Variants in USP8 observed in about 807,000 individuals in gnomAD.
USP8 encodes the protein ubiquitin specific peptidase 8.
In USP8, 27 loss-of-function variants were observed where a neutral mutation model predicts 130.0. The observed-to-expected ratio is 0.21, with a 90% CI of 0.15 to 0.29. USP8 has a LOEUF of 0.29. Ranked by LOEUF, USP8 falls within the 10% of genes least tolerant of loss-of-function variation. USP8 has a pLI of 1.00. For synonymous variants in USP8, 392 were observed against 444.1 expected (o/e 0.88, Z 1.48); for missense variants, 1,029 against 1,312.2 (o/e 0.78, Z 3.33).
chr15:50,478,433 C>T (rs145055360), intron 10 of USP8, among the ~76,000 whole-genome samples: 108 of 152,212 alleles, frequency 7.1e-4, no homozygotes, highest in East Asian at 1.5e-3. Flanking sequence ...ATATTTAAAA[C>T]AGTATTTCAC....
chr15:50,469,172 C>T (rs537892340), intron 7 of USP8, among the ~76,000 whole-genome samples: 1 of 152,208 alleles, frequency 6.6e-6, no homozygotes, highest in East Asian at 1.9e-4. Context: ...GCGCAATTTA[C>T]TTAAATATTT....
intron 8 of USP8, among the ~76,000 whole-genome samples, chr15:50,473,248 A>G (rs988430203): frequency 6.6e-6 from 1 of 152,182 alleles, no homozygotes; most frequent in Non-Finnish European, 1.5e-5. Context: ...ACAAATAACA[A>G]AATCCATGGA....
At chr15:50,479,920 A>G (rs11070786) in intron 10 of USP8, among the ~76,000 whole-genome samples, 22,317 of 151,856 alleles carry the variant, frequency 0.15, 2,059 homozygotes, top group Middle Eastern at 0.28. Flanking sequence ...CACCACGCCC[A>G]GCTAATTTTT....
At chr15:50,427,720 C>T (rs1450953677) in intron 1 of USP8, among the ~76,000 whole-genome samples, 2 of 151,462 alleles carry the variant, frequency 1.3e-5, no homozygotes, top group Admixed American at 6.6e-5. Flanking sequence ...CCACCATGCC[C>T]GGCTAATTTT....
chr15:50,487,763 G>A (rs1214135341), intron 12 of USP8, among the ~76,000 whole-genome samples: 2 of 152,204 alleles, frequency 1.3e-5, no homozygotes, highest in Non-Finnish European at 2.9e-5. Context: ...GCATTTTAAA[G>A]TAATTCTCAC....
At chr15:50,498,057 A>G (rs919899450) in intron 18 of USP8, among the ~76,000 whole-genome samples, 23 of 152,230 alleles carry the variant, frequency 1.5e-4, no homozygotes, top group African/African-American at 5.5e-4. Flanking sequence ...CACATTTGCT[A>G]AAATTTTTAA....
intron 8 of USP8, among the ~76,000 whole-genome samples, chr15:50,472,708 C>T (rs1273274027): frequency 2.0e-5 from 3 of 151,976 alleles, no homozygotes; most frequent in Non-Finnish European, 4.4e-5. Flanking sequence ...GTCAGGAGTT[C>T]AAGACCAGCT....
At chr15:50,486,979 C>T (rs1057087779) in intron 12 of USP8, among the ~76,000 whole-genome samples, 2 of 151,966 alleles carry the variant, frequency 1.3e-5, no homozygotes, top group Non-Finnish European at 2.9e-5. Context: ...CAAAAAGTAG[C>T]CGGGTGTGGT....
At chr15:50,463,853 C>T (rs900212591) in intron 6 of USP8, among the ~76,000 whole-genome samples, 1 of 152,152 alleles carries the variant, frequency 6.6e-6, no homozygotes, top group Admixed American at 6.5e-5. Flanking sequence ...TCTTTCACTT[C>T]AGTAGAGCTA....
chr15:50,442,523 C>T (rs989878396), intron 3 of USP8, among the ~76,000 whole-genome samples: 2 of 152,064 alleles, frequency 1.3e-5, no homozygotes, highest in African/African-American at 2.4e-5. Flanking sequence ...GTGGGTGGAT[C>T]ACCTGAGGTC....
In USP8 at chr15:50,500,859, A is replaced by AACTT. The variant is rs781102029; in HGVS notation, c.*1773_*1776dup. 4 of 1,560,370 alleles carry AACTT rather than the reference A, an allele frequency of 2.6e-6. No individual in the cohort carries two copies. In the South Asian group the frequency reaches 3.5e-5, roughly 14 times the overall value. On this transcript the variant is annotated 3_prime_UTR_variant, in exon 20 of 20. Coordinates refer to ENST00000307179, the MANE Select transcript of USP8 (RefSeq NM_005154.5). Reference sequence around the variant, plus strand: ...GGTTCTATGGGAGAAAGGAATGTCAAACTTAGTATTCACATATGAACACTA... The same window carrying AACTT: ...GGTTCTATGGGAGAAAGGAATGTCAAACTTACTTAGTATTCACATATGAACACTA...
In USP8 at chr15:50,502,997, C is replaced by A. The variant is rs182049524; in HGVS notation, c.*3909C>A. On this transcript the variant is annotated 3_prime_UTR_variant, in exon 20 of 20. Transcript: ENST00000307179. The stretch of plus-strand genomic sequence containing the variant: ...TTTATTCAATATTCCCTTCAACCTT[C>A]GTCTTCCCCACCTCTCTCCTTACAG... 9 of 152,202 alleles carry A rather than the reference C, an allele frequency of 5.9e-5. No individual in the cohort carries two copies. Among genetic ancestry groups the A allele is most frequent in the African/African-American group, 2.2e-4 (9 of 41,444 alleles). 9.4% of individuals were successfully genotyped at this position (152,202 alleles called of 1,614,324 possible).
chr15:50,428,363 T>C (rs2049814825), intron 1 of USP8, among the ~76,000 whole-genome samples: 1 of 151,984 alleles, frequency 6.6e-6, no homozygotes, highest in South Asian at 2.1e-4. Flanking sequence ...GCAATCCACC[T>C]GCCTCGGCCT....
rs1456128753 is a variant in USP8 at position 50,506,093 on chromosome 15, T to TACTAA, written c.*7006_*7007insCTAAA. 2.6e-5 allele frequency: 4 copies of TACTAA among 152,244 alleles called. No homozygotes were observed. Among genetic ancestry groups the TACTAA allele is most frequent in the African/African-American group, 7.2e-5 (3 of 41,462 alleles). 9.4% of individuals were successfully genotyped at this position (152,244 alleles called of 1,614,324 possible). On this transcript the variant is annotated 3_prime_UTR_variant, in exon 20 of 20. Transcript: ENST00000307179. Reference sequence around the variant, plus strand: ...TTTAAGTATGAAAGCTGTCGTTTTTTAGCATAATTACTAAAGAATCAAAAT... The same window carrying TACTAA: ...TTTAAGTATGAAAGCTGTCGTTTTTTACTAAAGCATAATTACTAAAGAATCAAAAT...
intron 4 of USP8, among the ~76,000 whole-genome samples, chr15:50,451,150 G>A (rs2050618452): frequency 6.6e-6 from 1 of 152,070 alleles, no homozygotes; most frequent in Non-Finnish European, 1.5e-5. Flanking sequence ...GCTCAGTCCT[G>A]TAATGCCTGC....
intron 3 of USP8, among the ~76,000 whole-genome samples, chr15:50,445,036 G>A (rs1338426976): frequency 2.0e-5 from 3 of 152,130 alleles, no homozygotes; most frequent in East Asian, 1.9e-4. Context: ...GGGATTACAG[G>A]TGTGAGCCAC....
At position 50,510,022 on chromosome 15, in the gene USP8, CTAAAT is replaced by C. The variant is rs2052716845; in HGVS notation, c.*10938_*10942del. On this transcript the variant is annotated 3_prime_UTR_variant, in exon 20 of 20. Coordinates refer to ENST00000307179, the MANE Select transcript of USP8 (RefSeq NM_005154.5). ...TATAGCTATAATTAATATTCATAAGCTAAATTAAGAATTAATTCAATATTAATTTA... is the reference window on the plus strand; with the variant it reads ...TATAGCTATAATTAATATTCATAAGCTAAGAATTAATTCAATATTAATTTA... 6.6e-6 allele frequency: 1 copy of C among 151,884 alleles called. No individual in the cohort carries two copies. The highest frequency in any genetic ancestry group is 2.4e-5 in the African/African-American group (1 of 41,348). 9.4% of individuals were successfully genotyped at this position (151,884 alleles called of 1,614,324 possible). A position where few individuals can be genotyped will look rare whatever the true frequency, so the allele number is the denominator to read the frequency against.
rs537027640 is a variant in USP8, at chr15:50,472,313, T to C, written c.849+518T>C. On this transcript the variant is annotated intron_variant, in intron 8 of 19. Transcript: ENST00000307179. ...AAAAAGATCTTATAAGATTACAAGA[T>C]GGCCAGGCGCGGTGGCTCAAGCCTG... is the stretch of plus-strand genomic sequence containing the variant. Among the ~76,000 whole-genome samples the C allele has an allele frequency of 2.0e-5, 3 of 151,524 alleles. No homozygotes were observed. In the South Asian group the frequency reaches 6.3e-4, roughly 32 times the overall value.
intron 3 of USP8, among the ~76,000 whole-genome samples, chr15:50,445,559 A>AAAAAAAAAAAAT (rs2050404286): frequency 8.1e-6 from 1 of 123,458 alleles, no homozygotes; most frequent in African/African-American, 3.0e-5. Flanking sequence ...AAAAAAAAAA[A>AAAAAAAAAAAAT]AAAAAAAAAA....
Sources: allele counts gnomAD v4.1 joint callset (sites outside exome capture counted in the v4.1 genomes callset), GRCh38; gene constraint gnomAD v4.1.1; transcripts MANE v1.5; gene names NCBI Gene and HGNC (gene_info 2026-07-23, HGNC 2026-07-21).